Variants in CSMD1 observed in about 807,000 individuals in gnomAD.
CSMD1 encodes the protein CUB and Sushi multiple domains 1.
CSMD1 carries 213 observed loss-of-function variants against 417.5 expected under a neutral mutation model. The ratio of observed to expected loss-of-function variants is 0.51; its 90% CI spans 0.46 to 0.57. The LOEUF (loss-of-function observed/expected upper bound fraction) is 0.57, where lower values mean the gene tolerates loss of function less well. Among genes scored for constraint, CSMD1 ranks in the 20% least tolerant of loss-of-function variants. The pLI, the probability that CSMD1 is intolerant of heterozygous loss-of-function variation, is 0.00. For missense variants in CSMD1, 6,923 were observed against 4,529.7 expected, an observed-to-expected ratio of 1.53 and a Z score of -15.17; for synonymous variants, 2,862 against 1,736.8, an observed-to-expected ratio of 1.65 and a Z score of -16.11.
chr8:3,788,409 G>C (rs537593698), intron 5 of CSMD1, among the ~76,000 whole-genome samples: 12 of 152,234 alleles, frequency 7.9e-5, no homozygotes, highest in African/African-American at 2.6e-4. Context: ...ACCCAAGTGA[G>C]GCTTCTGGAG....
chr8:4,043,476 T>C (rs752039937), intron 3 of CSMD1, among the ~76,000 whole-genome samples: 10 of 152,144 alleles, frequency 6.6e-5, no homozygotes, highest in East Asian at 1.9e-4. Context: ...CAGTGTTATG[T>C]TGTCTTCAAA....
At chr8:4,307,598 C>T (rs1396347643) in intron 3 of CSMD1, among the ~76,000 whole-genome samples, 1 of 152,096 alleles carries the variant, frequency 6.6e-6, no homozygotes, top group Non-Finnish European at 1.5e-5. Flanking sequence ...GCCTCTGTAC[C>T]CACCCAACTT....
intron 1 of CSMD1, among the ~76,000 whole-genome samples, chr8:4,780,555 A>AATT (rs529451910): frequency 9.2e-5 from 14 of 151,784 alleles, no homozygotes; most frequent in African/African-American, 3.1e-4. Context: ...GTCCTATTGT[A>AATT]ATTATTATTA....
chr8:3,921,060 A>C (rs1038372092), intron 5 of CSMD1, among the ~76,000 whole-genome samples: 5 of 152,124 alleles, frequency 3.3e-5, no homozygotes, highest in African/African-American at 9.7e-5. Context: ...TGTTTCTTTA[A>C]ATGTTCGATA....
intron 1 of CSMD1, among the ~76,000 whole-genome samples, chr8:4,946,197 A>G (rs1361589011): frequency 4.6e-5 from 7 of 152,212 alleles, no homozygotes; most frequent in Non-Finnish European, 8.8e-5. Flanking sequence ...GGTCTGACTC[A>G]ACATACTTAA....
intron 6 of CSMD1, among the ~76,000 whole-genome samples, chr8:3,747,581 T>C (rs1797122731): frequency 1.3e-5 from 2 of 152,094 alleles, no homozygotes; most frequent in Admixed American, 6.6e-5. Context: ...TCCAAGTTTG[T>C]TTATTACTTC....
chr8:3,989,569 C>T (rs971887717), intron 5 of CSMD1, among the ~76,000 whole-genome samples: 2 of 152,112 alleles, frequency 1.3e-5, no homozygotes, highest in Admixed American at 6.5e-5. Flanking sequence ...TTTCCCCAAA[C>T]AAGAAAGGGA....
At chr8:4,030,989 T>A (rs892154763) in intron 4 of CSMD1, among the ~76,000 whole-genome samples, 3 of 152,162 alleles carry the variant, frequency 2.0e-5, no homozygotes, top group African/African-American at 7.2e-5. Context: ...TGAACAAGTT[T>A]CTCATCTCCA....
At chr8:4,892,738 A>G (rs1804205646) in intron 1 of CSMD1, among the ~76,000 whole-genome samples, 1 of 151,792 alleles carries the variant, frequency 6.6e-6, no homozygotes, top group Admixed American at 6.6e-5. Context: ...TTGCTTTCTG[A>G]TTTGCATCTC....
At chr8:3,176,257 T>C (rs1336093877) in intron 37 of CSMD1, among the ~76,000 whole-genome samples, 5 of 152,152 alleles carry the variant, frequency 3.3e-5, no homozygotes, top group East Asian at 1.9e-4. Flanking sequence ...CAATTCTTAA[T>C]TAGAGGGAAC....
chr8:3,870,139 T>A (rs542691047), intron 5 of CSMD1, among the ~76,000 whole-genome samples: 74 of 152,266 alleles, frequency 4.9e-4, no homozygotes, highest in African/African-American at 1.7e-3. Context: ...AAACAGAGAT[T>A]ACACATTATT....
chr8:3,603,702 T>C (rs759491183), intron 8 of CSMD1, among the ~76,000 whole-genome samples: 12 of 152,234 alleles, frequency 7.9e-5, no homozygotes, highest in Admixed American at 2.0e-4. Flanking sequence ...GTATTCATTA[T>C]AGTTTCCAAA....
At chr8:4,160,109 A>G (rs931407863) in intron 3 of CSMD1, among the ~76,000 whole-genome samples, 29 of 4,448 alleles carry the variant, frequency 6.5e-3, no homozygotes, top group Admixed American at 0.011. Flanking sequence ...AAAAGCACTG[A>G]GGACATTAAA....
At chr8:2,968,891 G>A (rs532733669) in intron 57 of CSMD1, among the ~76,000 whole-genome samples, 34 of 151,982 alleles carry the variant, frequency 2.2e-4, no homozygotes, top group Non-Finnish European at 3.8e-4. Flanking sequence ...TTTTGTTAAC[G>A]TGACTTCTTC....
intron 3 of CSMD1, among the ~76,000 whole-genome samples, chr8:4,323,463 C>G (rs1799381448): frequency 6.8e-6 from 1 of 147,940 alleles, no homozygotes; most frequent in Non-Finnish European, 1.5e-5. Context: ...TCACAACAAA[C>G]CATACATAAT....
intron 18 of CSMD1, among the ~76,000 whole-genome samples, chr8:3,379,503 C>CAAGTA (rs1221036569): frequency 9.2e-5 from 14 of 152,240 alleles, no homozygotes; most frequent in African/African-American, 2.9e-4. Flanking sequence ...AACTATACTA[C>CAAGTA]CAGGCTACAG....
rs973433781 is a variant in CSMD1, at chr8:3,187,822, T to C, written c.5620+47A>G. The C allele has an allele frequency of 2.9e-6, 4 of 1,385,524 alleles. No individual in the cohort carries two copies. In the African/African-American group the frequency reaches 4.3e-5, roughly 15 times the overall value. 85.8% of individuals were successfully genotyped at this position (1,385,524 alleles called of 1,614,324 possible). A position where few individuals can be genotyped will look rare whatever the true frequency, so the allele number is the denominator to read the frequency against. On this transcript the variant is annotated intron_variant, in intron 36 of 69. Transcript: ENST00000635120. ...TGTTATTTATGTTGTTTTCTTGGTG[T>C]TTGCAGATTTTGAGTCACACAGGTG...
chr8:3,897,098 G>C (rs530649314), intron 5 of CSMD1, among the ~76,000 whole-genome samples: 43 of 152,218 alleles, frequency 2.8e-4, no homozygotes, highest in Middle Eastern at 3.4e-3. Flanking sequence ...TTCAATACTG[G>C]ATGTATTCAT....
chr8:4,394,710 G>A (rs1804083850), intron 3 of CSMD1, among the ~76,000 whole-genome samples: 1 of 152,152 alleles, frequency 6.6e-6, no homozygotes, highest in African/African-American at 2.4e-5. Context: ...TGGCTTATCT[G>A]TTGCCCAGAT....
Sources: gnomAD v4.1 joint callset for allele counts (sites outside exome capture counted in the v4.1 genomes callset) on GRCh38, gnomAD v4.1.1 for gene constraint, MANE v1.5 for transcripts, NCBI Gene and HGNC (gene_info 2026-07-23, HGNC 2026-07-21) for gene names.